Variants in OR5D3 observed in about 807,000 individuals in gnomAD.
OR5D3 encodes olfactory receptor 5D3.
the OR5D3 span, chr11:55,728,521 G>T: frequency 6.6e-6 from 1 of 151,986 alleles, no homozygotes; most frequent in African/African-American, 2.4e-5. Flanking sequence ...TAACCAAATG[G>T]CTGGTTGAGA....
chr11:55,724,709 G>A, the OR5D3 span, among the ~76,000 whole-genome samples: 2 of 152,128 alleles, frequency 1.3e-5, no homozygotes, highest in Admixed American at 6.5e-5. Context: ...TAAAGTCATT[G>A]GCTCTCAGGT....
the OR5D3 span, chr11:55,727,645 C>G: frequency 6.6e-6 from 1 of 151,938 alleles, no homozygotes; most frequent in Non-Finnish European, 1.5e-5. Context: ...CTTACGAAGT[C>G]CAGAATCTGG....
chr11:55,727,258 A>G, the OR5D3 span: 3 of 396,486 alleles, frequency 7.6e-6, no homozygotes, highest in African/African-American at 2.1e-5. Context: ...TGACAGTACA[A>G]TATCTATTCA....
chr11:55,726,814 G>A, the OR5D3 span: 1 of 398,954 alleles, frequency 2.5e-6, no homozygotes. Flanking sequence ...GGTCATTTTA[G>A]TTTCTGCAAC....
the OR5D3 span, chr11:55,728,902 GTTTAATAAAGA>G: frequency 6.6e-6 from 1 of 151,938 alleles, no homozygotes; most frequent in African/African-American, 2.4e-5. Context: ...TATGTGTATA[GTTTAATAAAGA>G]TGTTAAGGAG....
At chr11:55,728,104 C>G in the OR5D3 span, 1 of 152,020 alleles carries the variant, frequency 6.6e-6, no homozygotes, top group Non-Finnish European at 1.5e-5. Context: ...GATCAGCTAC[C>G]TTTGGAACTA....
the OR5D3 span, chr11:55,728,266 C>CAT: frequency 0.74 from 111,824 of 151,698 alleles, 41,585 homozygotes; most frequent in South Asian, 0.86. Flanking sequence ...GAGAAAATCA[C>CAT]GTCCAAGCCC....
the OR5D3 span, chr11:55,727,913 A>C: frequency 6.6e-6 from 1 of 152,126 alleles, no homozygotes; most frequent in Non-Finnish European, 1.5e-5. Flanking sequence ...TATAACAACC[A>C]GGATAATGAT....
At chr11:55,726,249 C>T in the OR5D3 span, 1 of 402,462 alleles carries the variant, frequency 2.5e-6, no homozygotes, top group Non-Finnish European at 4.4e-6. Flanking sequence ...GAGTCACCTT[C>T]ATCCTCTTGG....
At chr11:55,724,489 A>C in the OR5D3 span, among the ~76,000 whole-genome samples, 1 of 152,054 alleles carries the variant, frequency 6.6e-6, no homozygotes, top group Non-Finnish European at 1.5e-5. Flanking sequence ...TAGATGGTAA[A>C]ATAAAGCATT....
the OR5D3 span, chr11:55,729,109 C>T: frequency 2.0e-5 from 3 of 151,872 alleles, no homozygotes; most frequent in Admixed American, 6.6e-5. Flanking sequence ...TTGCTAATCC[C>T]TTTAATACAA....
At chr11:55,724,136 C>A in the OR5D3 span, 3 of 392,144 alleles carry the variant, frequency 7.7e-6, no homozygotes, top group Non-Finnish European at 1.3e-5. Flanking sequence ...GACAAACACA[C>A]GTGTAGGTTG....
the OR5D3 span, chr11:55,723,932 T>C: frequency 5.0e-6 from 2 of 396,414 alleles, no homozygotes; most frequent in South Asian, 1.3e-4. Flanking sequence ...CTCTCGACAC[T>C]CCTACTGTTG....
chr11:55,729,605 C>T, the OR5D3 span: 4 of 151,972 alleles, frequency 2.6e-5, no homozygotes, highest in African/African-American at 4.8e-5. Flanking sequence ...TTACATAACA[C>T]TTTGCTTACG....
the OR5D3 span, chr11:55,726,361 A>G: frequency 2.1e-6 from 1 of 468,822 alleles, no homozygotes; most frequent in Non-Finnish European, 3.9e-6. Context: ...CATGGTCATC[A>G]GGATCAACCC....
the OR5D3 span, chr11:55,726,598 C>A: frequency 7.4e-6 from 3 of 403,266 alleles, no homozygotes; most frequent in African/African-American, 2.1e-5. Context: ...AGTGTGTAAC[C>A]CTCTGCTTTA....
chr11:55,726,559 G>A, the OR5D3 span: 6 of 408,750 alleles, frequency 1.5e-5, no homozygotes, highest in East Asian at 1.1e-4. Flanking sequence ...ATTCATGCTG[G>A]CAGCGATGGC....
At chr11:55,728,430 C>T in the OR5D3 span, 19 of 152,062 alleles carry the variant, frequency 1.2e-4, no homozygotes, top group East Asian at 3.5e-3. Flanking sequence ...TGCCAGATAA[C>T]TTTACTGCAG....
the OR5D3 span, chr11:55,726,297 C>T: frequency 2.3e-6 from 1 of 426,662 alleles, no homozygotes; most frequent in Admixed American, 3.9e-5. Context: ...TACCCCTGTT[C>T]CTGGTCTTCC....
Sources: gnomAD v4.1 joint callset for allele counts (sites outside exome capture counted in the v4.1 genomes callset) on GRCh38, gnomAD v4.1.1 for gene constraint, MANE v1.5 for transcripts, NCBI Gene and HGNC (gene_info 2026-07-23, HGNC 2026-07-21) for gene names.